The following PPFIBP2 variants were observed in gnomAD, a reference collection of about 807,000 sequenced individuals.
PPFIBP2 encodes the protein liprin-beta-2.
PPFIBP2 carries 118 observed loss-of-function variants against 118.3 expected under a neutral mutation model. The observed-to-expected ratio is 1.00, with a 90% CI of 0.86 to 1.16. The LOEUF (loss-of-function observed/expected upper bound fraction) is 1.16, where lower values mean the gene tolerates loss of function less well. Among genes scored for constraint, PPFIBP2 ranks in the 50% most tolerant of loss-of-function variants. PPFIBP2 has a pLI of 0.00. For missense variants in PPFIBP2, 1,195 were observed against 1,073.1 expected, an observed-to-expected ratio of 1.11 and a Z score of -1.59; for synonymous variants, 414 against 397.4, an observed-to-expected ratio of 1.04 and a Z score of -0.50.
At chr11:7,549,609 C>CTT (rs386373033) in intron 2 of PPFIBP2, 70 bp downstream of exon 2, 119,141 of 1,116,614 alleles carry the variant, frequency 0.11, 1,543 homozygotes, top group African/African-American at 0.18. Context: ...TCTCCTTTTA[C>CTT]TTTTTTTTTT....
At chr11:7,519,363 G>A (rs1057053354) in intron 1 of PPFIBP2, among the ~76,000 whole-genome samples, 6 of 152,158 alleles carry the variant, frequency 3.9e-5, no homozygotes, top group Non-Finnish European at 2.9e-5. Context: ...TGCAGAGGTC[G>A]GGTTGTGATC....
At chr11:7,539,648 C>A (rs1851569905) in intron 1 of PPFIBP2, among the ~76,000 whole-genome samples, 1 of 152,178 alleles carries the variant, frequency 6.6e-6, no homozygotes, top group Non-Finnish European at 1.5e-5. Context: ...GACAAAAGTG[C>A]CCTGGAGAAG....
Position 7,597,648 on chromosome 11 carries a change from A to G in PPFIBP2, c.461A>G (p.Asn154Ser), listed in dbSNP as rs538034375. 176 of 1,614,060 alleles carry G rather than the reference A, an allele frequency of 1.1e-4. No homozygotes were observed. The highest frequency in any genetic ancestry group is 1.4e-4 in the Non-Finnish European group (168 of 1,179,968). The change falls in exon 5 of 24, where the codon AAT (asparagine) becomes AGT (serine). Residue 154 changes from asparagine to serine, a missense_variant. By Grantham distance (46) the Asn-to-Ser change is conservative. Transcript: ENST00000299492. ...CTGGAAGGACACCAGGTGAAACTCA[A>G]TGCTGCTGAAGAGATGCTTCAACAG... The part of the protein sequence containing the change: ...VCLEGHQVKL[N>S]AAEEMLQQEL...
intron 1 of PPFIBP2, among the ~76,000 whole-genome samples, chr11:7,544,619 A>G (rs1188937694): frequency 6.6e-6 from 1 of 151,820 alleles, no homozygotes; most frequent in Non-Finnish European, 1.5e-5. Flanking sequence ...CTAAAAATAC[A>G]GAAAATTAGC....
chr11:7,555,340 C>T (rs1201608642), intron 2 of PPFIBP2, among the ~76,000 whole-genome samples: 1 of 152,154 alleles, frequency 6.6e-6, no homozygotes. Flanking sequence ...TCAGCTGGGG[C>T]CTTTCTGCCA....
intron 6 of PPFIBP2, among the ~76,000 whole-genome samples, chr11:7,620,150 T>G (rs1849168736): frequency 6.6e-6 from 1 of 152,170 alleles, no homozygotes; most frequent in African/African-American, 2.4e-5. Context: ...GAAAATTGTT[T>G]GTGTCACTTC....
intron 2 of PPFIBP2, among the ~76,000 whole-genome samples, chr11:7,552,013 C>T (rs1293256358): frequency 6.6e-6 from 1 of 152,176 alleles, no homozygotes; most frequent in African/African-American, 2.4e-5. Context: ...TTCCTTAGTC[C>T]TCCATCTTGG....
At chr11:7,645,138 A>C (rs1852866181) in intron 17 of PPFIBP2, among the ~76,000 whole-genome samples, 1 of 151,282 alleles carries the variant, frequency 6.6e-6, no homozygotes, top group Non-Finnish European at 1.5e-5. Flanking sequence ...TTTTCCTTGT[A>C]ACAGATGGTG....
intron 6 of PPFIBP2, among the ~76,000 whole-genome samples, chr11:7,615,463 A>G (rs1461444341): frequency 6.6e-6 from 1 of 152,218 alleles, no homozygotes; most frequent in Non-Finnish European, 1.5e-5. Context: ...AGTTTTGGGT[A>G]CACCACACAC....
chr11:7,615,013 A>G (rs1457654775), intron 6 of PPFIBP2, among the ~76,000 whole-genome samples: 1 of 152,168 alleles, frequency 6.6e-6, no homozygotes, highest in Non-Finnish European at 1.5e-5. Flanking sequence ...CAGACCTGTT[A>G]GGAGGTGGGC....
At chr11:7,519,458 A>G (rs1564932504) in intron 1 of PPFIBP2, among the ~76,000 whole-genome samples, 1 of 152,204 alleles carries the variant, frequency 6.6e-6, no homozygotes, top group South Asian at 2.1e-4. Flanking sequence ...TTAAAACTGT[A>G]AAGTCGAATG....
intron 17 of PPFIBP2, among the ~76,000 whole-genome samples, chr11:7,643,602 T>G (rs890461978): frequency 1.3e-5 from 2 of 152,220 alleles, no homozygotes; most frequent in African/African-American, 4.8e-5. Flanking sequence ...ATGTTTATCG[T>G]AATGGTGCAA....
At chr11:7,561,302 G>A (rs1304319201) in intron 2 of PPFIBP2, among the ~76,000 whole-genome samples, 2 of 152,228 alleles carry the variant, frequency 1.3e-5, no homozygotes, top group South Asian at 2.1e-4. Context: ...CTGACCTCGG[G>A]TGGTCTGCCT....
intron 3 of PPFIBP2, chr11:7,577,508 C>T (rs899328458): frequency 6.6e-6 from 3 of 453,546 alleles, no homozygotes; most frequent in Non-Finnish European, 1.3e-5. Flanking sequence ...GGGGCAGAGG[C>T]AAGGAAGAGG....
chr11:7,641,804 C>T, intron 16 of PPFIBP2, 184 bp downstream of exon 16: 1 of 657,034 alleles, frequency 1.5e-6, no homozygotes, highest in Non-Finnish European at 2.6e-6. Context: ...ATGAAAGACA[C>T]CCATTGAATA....
intron 1 of PPFIBP2, among the ~76,000 whole-genome samples, chr11:7,532,145 C>T (rs1850751959): frequency 6.6e-6 from 1 of 152,136 alleles, no homozygotes; most frequent in African/African-American, 2.4e-5. Context: ...CCCAGCCTCT[C>T]CTTGACTTTT....
At chr11:7,643,953 A>G (rs185912964) in intron 17 of PPFIBP2, among the ~76,000 whole-genome samples, 26 of 152,340 alleles carry the variant, frequency 1.7e-4, no homozygotes, top group Admixed American at 1.6e-3. Context: ...TGCTGGACAG[A>G]GTGCGCCTAT....
chr11:7,651,897 G>C (rs955555837), intron 23 of PPFIBP2, 53 bp downstream of exon 23: 2 of 1,516,922 alleles, frequency 1.3e-6, no homozygotes, highest in Non-Finnish European at 1.8e-6. Flanking sequence ...TGGCCCTCAC[G>C]CAGCACAGCA....
intron 7 of PPFIBP2, among the ~76,000 whole-genome samples, chr11:7,625,254 G>A (rs564317904): frequency 3.9e-5 from 6 of 152,180 alleles, no homozygotes; most frequent in South Asian, 2.1e-4. Flanking sequence ...GGGTAGGAGC[G>A]TGTGGAGGGA....
Sources: allele counts gnomAD v4.1 joint callset (sites outside exome capture counted in the v4.1 genomes callset), GRCh38; gene constraint gnomAD v4.1.1; transcripts MANE v1.5; gene names NCBI Gene and HGNC (gene_info 2026-07-23, HGNC 2026-07-21).